Variants in ADARB2 observed in about 807,000 individuals in gnomAD.
ADARB2 encodes inactive double-stranded RNA-specific editase B2.
Under a neutral mutation model 62.2 loss-of-function variants are expected in ADARB2, and 25 were observed. That is an observed-to-expected ratio of 0.40 (90% CI 0.29 to 0.56). ADARB2 has a LOEUF of 0.56. Among genes scored for constraint, ADARB2 ranks in the 20% least tolerant of loss-of-function variants. The probability of loss-of-function intolerance (pLI) is 0.43; values close to 1 mark genes in which losing one functional copy is unlikely to be tolerated. For missense variants in ADARB2, 1,071 were observed against 1,077.4 expected, an observed-to-expected ratio of 0.99 and a Z score of 0.08; for synonymous variants, 572 against 500.8, an observed-to-expected ratio of 1.14 and a Z score of -1.90.
At chr10:1,187,613 T>C (rs1018759637) in intron 8 of ADARB2, among the ~76,000 whole-genome samples, 3 of 152,266 alleles carry the variant, frequency 2.0e-5, no homozygotes, top group Non-Finnish European at 2.9e-5. Flanking sequence ...GGCAAGTTGC[T>C]GCTAGCCCTT....
chr10:1,531,142 G>A (rs922167433), intron 1 of ADARB2, among the ~76,000 whole-genome samples: 4 of 152,326 alleles, frequency 2.6e-5, no homozygotes, highest in African/African-American at 9.6e-5. Context: ...GCCACCCATA[G>A]GTTCGCTGAG....
chr10:1,668,553 A>T (rs1374385734), intron 1 of ADARB2, among the ~76,000 whole-genome samples: 1 of 152,196 alleles, frequency 6.6e-6, no homozygotes, highest in African/African-American at 2.4e-5. Flanking sequence ...TGATCGGCTC[A>T]CTGGAGGTCA....
At chr10:1,568,496 T>C (rs1832887072) in intron 1 of ADARB2, among the ~76,000 whole-genome samples, 1 of 151,518 alleles carries the variant, frequency 6.6e-6, no homozygotes, top group Non-Finnish European at 1.5e-5. Context: ...AAAAGGCTAT[T>C]TGCCAAGTTA....
Position 1,568,160 on chromosome 10 carries a change from C to T in ADARB2, c.100+168891G>A, listed in dbSNP as rs921766698. Among the ~76,000 whole-genome samples, 16 of 152,230 alleles carry T rather than the reference C, an allele frequency of 1.1e-4. No homozygotes were observed. In the East Asian group the frequency reaches 1.7e-3, roughly 16 times the overall value. The stretch of plus-strand genomic sequence containing the variant: ...CAGTGTCACCTCGCAGGGCCTGAGC[C>T]GCCACTGGGGAACCCTTGACATAGC... On this transcript the variant is annotated intron_variant, in intron 1 of 9. Transcript: ENST00000381312.
chr10:1,243,681 G>C (rs542839666), intron 4 of ADARB2, among the ~76,000 whole-genome samples: 3 of 152,240 alleles, frequency 2.0e-5, no homozygotes, highest in Non-Finnish European at 4.4e-5. Context: ...CACTGGGGAA[G>C]TAACCTGCAG....
At chr10:1,501,669 C>T (rs899404242) in intron 1 of ADARB2, among the ~76,000 whole-genome samples, 34 of 152,316 alleles carry the variant, frequency 2.2e-4, no homozygotes, top group African/African-American at 7.0e-4. Context: ...ATATATTGCT[C>T]GCCAGTAGCC....
chr10:1,366,110 A>C (rs1832311502), intron 2 of ADARB2, among the ~76,000 whole-genome samples: 1 of 152,198 alleles, frequency 6.6e-6, no homozygotes, highest in African/African-American at 2.4e-5. Context: ...GTGGGTAATA[A>C]AGATCCAGTC....
In ADARB2 at chr10:1,398,347, T is replaced by A. The variant is rs1399422349; in HGVS notation, c.101-19187A>T. Among the ~76,000 whole-genome samples the A allele has an allele frequency of 1.3e-5, 2 of 152,250 alleles. No homozygotes were observed. The highest frequency in any genetic ancestry group is 6.5e-5 in the Admixed American group (1 of 15,288). On this transcript the variant is annotated intron_variant, in intron 1 of 9. Transcript: ENST00000381312. The surrounding 1 kb of genome is among the most constrained non-coding windows in gnomAD (Gnocchi z 4.1). ...GCAGGAAGCTGCCCAGCACAGGCAG[T>A]GGCACTGACACGGGGTGAAAGACCA...
At chr10:1,547,975 G>T (rs927192592) in intron 1 of ADARB2, among the ~76,000 whole-genome samples, 1 of 152,048 alleles carries the variant, frequency 6.6e-6, no homozygotes, top group African/African-American at 2.4e-5. Flanking sequence ...TTCAGGACAC[G>T]TGGTACTTGC....
intron 1 of ADARB2, among the ~76,000 whole-genome samples, chr10:1,468,977 C>A (rs2131915222): frequency 6.6e-6 from 1 of 152,310 alleles, no homozygotes; most frequent in East Asian, 1.9e-4. Context: ...CCAAGTGGCC[C>A]CGCTGGGCTG....
chr10:1,296,577 G>A (rs773440534), intron 3 of ADARB2, among the ~76,000 whole-genome samples: 4 of 152,138 alleles, frequency 2.6e-5, no homozygotes, highest in Non-Finnish European at 5.9e-5. Context: ...AAGGCCAAGT[G>A]CTCCATCACA....
chr10:1,350,986 G>A (rs61833577), intron 3 of ADARB2, among the ~76,000 whole-genome samples: 59,567 of 152,054 alleles, frequency 0.39, 12,960 homozygotes, highest in Middle Eastern at 0.52. Context: ...AGCTGCCAGG[G>A]TTTCCTCCAG....
intron 6 of ADARB2, among the ~76,000 whole-genome samples, chr10:1,226,716 A>G (rs1830750342): frequency 6.6e-6 from 1 of 152,244 alleles, no homozygotes; most frequent in South Asian, 2.1e-4. Flanking sequence ...CGGTGGCTGT[A>G]GAACAGCAGA....
chr10:1,544,967 A>ACACACACACACACACACACT (rs1588296173), intron 1 of ADARB2, among the ~76,000 whole-genome samples: 1 of 151,796 alleles, frequency 6.6e-6, no homozygotes, highest in East Asian at 1.9e-4. Context: ...ACACACACAC[A>ACACACACACACACACACACT]CACACACACA....
At chr10:1,574,476 A>AC (rs1832983855) in intron 1 of ADARB2, among the ~76,000 whole-genome samples, 1 of 151,996 alleles carries the variant, frequency 6.6e-6, no homozygotes, top group South Asian at 2.1e-4. Flanking sequence ...CAGAGAACAG[A>AC]CACTCCTGTT....
chr10:1,588,632 C>T (rs142872088), intron 1 of ADARB2, among the ~76,000 whole-genome samples: 28 of 152,138 alleles, frequency 1.8e-4, no homozygotes, highest in African/African-American at 5.8e-4. Flanking sequence ...ATACCGAGCT[C>T]GGAATTTTGG....
At chr10:1,286,689 C>T (rs1368197008) in intron 3 of ADARB2, among the ~76,000 whole-genome samples, 1 of 152,204 alleles carries the variant, frequency 6.6e-6, no homozygotes, top group Non-Finnish European at 1.5e-5. Context: ...GGTTCCTCTT[C>T]TGCAAGAGGC....
chr10:1,214,361 A>ATGGGTTTGCACCTGTGTCCAGTATTGCG (rs144154048), intron 7 of ADARB2, among the ~76,000 whole-genome samples: 5 of 34,852 alleles, frequency 1.4e-4, no homozygotes, highest in African/African-American at 5.1e-4. Flanking sequence ...CCGGCGTCGC[A>ATGGGTTTGCACCTGTGTCCAGTATTGCG]TGGGTTTGCA....
At chr10:1,307,475 G>C (rs1321592221) in intron 3 of ADARB2, among the ~76,000 whole-genome samples, 1 of 136,686 alleles carries the variant, frequency 7.3e-6, no homozygotes, top group African/African-American at 2.6e-5. Flanking sequence ...CTTTTACACT[G>C]TTGGTGGGAC....
Sources: gnomAD v4.1 joint callset for allele counts (sites outside exome capture counted in the v4.1 genomes callset) on GRCh38, gnomAD v4.1.1 for gene constraint, Gnocchi (gnomAD v3.1) non-coding constraint, MANE v1.5 for transcripts, NCBI Gene and HGNC (gene_info 2026-07-23, HGNC 2026-07-21) for gene names.